Variants in KPNA4 observed in about 807,000 individuals in gnomAD.
The protein encoded by KPNA4 is karyopherin subunit alpha 4, also known as importin subunit alpha-3.
A neutral mutation model predicts 71.3 loss-of-function variants in KPNA4; 13 were observed. The ratio of observed to expected loss-of-function variants is 0.18; its 90% confidence interval spans 0.12 to 0.29. KPNA4 has a LOEUF of 0.29. Ranked by LOEUF, KPNA4 falls within the 10% of genes least tolerant of loss-of-function variation. The probability of loss-of-function intolerance (pLI) is 1.00; values close to 1 mark genes in which losing one functional copy is unlikely to be tolerated. For missense variants in KPNA4, 334 were observed against 603.2 expected (o/e 0.55, Z 4.67); for synonymous variants, 189 against 195.2 (o/e 0.97, Z 0.26).
chr3:160,536,049 A>G (rs1212783670), intron 2 of KPNA4, 152 bp from the exon 3 acceptor site: 35 of 618,068 alleles, frequency 5.7e-5, no homozygotes, highest in Non-Finnish European at 8.2e-5. Flanking sequence ...GTAAAAAATT[A>G]AACCAAACTG....
intron 1 of KPNA4, among the ~76,000 whole-genome samples, chr3:160,550,346 A>G (rs1360183070): frequency 1.3e-5 from 2 of 152,156 alleles, no homozygotes; most frequent in African/African-American, 4.8e-5. Context: ...CAGTCTCAAA[A>G]TCCTGGGCTC....
At chr3:160,563,138 G>T (rs1023508816) in intron 1 of KPNA4, among the ~76,000 whole-genome samples, 1 of 152,136 alleles carries the variant, frequency 6.6e-6, no homozygotes, top group African/African-American at 2.4e-5. Flanking sequence ...ACTGAAGAAG[G>T]GATAAATAAA....
Position 160,530,919 on chromosome 3 carries a change from A to G in KPNA4, c.405T>C (p.Ala135=). Residue 135 remains alanine (A), a synonymous_variant, in exon 7 of 17, where the codon GCT becomes GCC. Coordinates refer to ENST00000334256, the MANE Select transcript of KPNA4 (RefSeq NM_002268.5). The part of the protein sequence containing the change: ...RDDNPSLQFE[A]AWALTNIASG... ...ATGCAATGTTTGTCAAAGCCCATGC[A>G]GCTTCAAACTGTAAAGAAGGACTAC... is the stretch of plus-strand genomic sequence containing the variant. The G allele has an allele frequency of 6.2e-7, 1 of 1,611,698 alleles. No homozygotes were observed. The highest frequency in any genetic ancestry group is 1.7e-4 in the Middle Eastern group (1 of 6,040).
intron 13 of KPNA4, among the ~76,000 whole-genome samples, chr3:160,512,964 T>C (rs1560045194): frequency 6.6e-6 from 1 of 152,212 alleles, no homozygotes; most frequent in Non-Finnish European, 1.5e-5. Flanking sequence ...GGATCATCAA[T>C]GGCTACCTAA....
At chr3:160,532,869 A>AT (rs1395368741) in intron 5 of KPNA4, among the ~76,000 whole-genome samples, 1 of 152,232 alleles carries the variant, frequency 6.6e-6, no homozygotes, top group Non-Finnish European at 1.5e-5. Context: ...TTCAACTGAA[A>AT]TAAGACTGAA....
In KPNA4 at chr3:160,500,060, T is replaced by C. The variant is rs1267499261; in HGVS notation, c.*2044A>G. 1 of 151,214 alleles carries C rather than the reference T, an allele frequency of 6.6e-6. No individual in the cohort carries two copies. The highest frequency in any genetic ancestry group is 1.5e-5 in the Non-Finnish European group (1 of 67,670). The allele number at this position is 151,214 out of a possible 1,614,324, so 9.4% of individuals were successfully genotyped here. Reference sequence around the variant, plus strand: ...ATGACAGAACCAAAGAAATTTCTTATTATGCTGGTTCTAGGTAAAAAGACA... The same window carrying C: ...ATGACAGAACCAAAGAAATTTCTTACTATGCTGGTTCTAGGTAAAAAGACA... On this transcript the variant is annotated 3_prime_UTR_variant, in exon 17 of 17. Transcript: ENST00000334256.
intron 1 of KPNA4, among the ~76,000 whole-genome samples, chr3:160,546,720 A>G (rs759998770): frequency 1.3e-5 from 2 of 149,830 alleles, no homozygotes; most frequent in African/African-American, 2.5e-5. Flanking sequence ...CCCACCCCTC[A>G]TCTACTGAAT....
intron 1 of KPNA4, among the ~76,000 whole-genome samples, chr3:160,560,012 C>G (rs1280261468): frequency 2.0e-5 from 3 of 152,086 alleles, no homozygotes; most frequent in Admixed American, 6.5e-5. Flanking sequence ...ACTGTGTTTT[C>G]TAGTGTTTGA....
At chr3:160,517,514 T>A (rs1291874198) in intron 11 of KPNA4, among the ~76,000 whole-genome samples, 1 of 152,110 alleles carries the variant, frequency 6.6e-6, no homozygotes, top group Non-Finnish European at 1.5e-5. Context: ...TGTAACCTTA[T>A]GTTTAACTTT....
intron 11 of KPNA4, among the ~76,000 whole-genome samples, chr3:160,517,672 T>G (rs1449016780): frequency 6.6e-6 from 1 of 152,126 alleles, no homozygotes; most frequent in Non-Finnish European, 1.5e-5. Context: ...TGTGAAGTAG[T>G]ATCTCACTGT....
At chr3:160,543,888 G>A (rs558504244) in intron 1 of KPNA4, among the ~76,000 whole-genome samples, 2 of 150,596 alleles carry the variant, frequency 1.3e-5, no homozygotes, top group Non-Finnish European at 3.0e-5. Flanking sequence ...ATGGAGTTTC[G>A]CTCTTGCTGC....
intron 15 of KPNA4, among the ~76,000 whole-genome samples, chr3:160,505,336 A>AT (rs1351541478): frequency 1.3e-5 from 2 of 152,186 alleles, no homozygotes; most frequent in Non-Finnish European, 2.9e-5. Context: ...TACATAACCA[A>AT]TGTTTATAAC....
chr3:160,555,037 G>C (rs1722109773), intron 1 of KPNA4, among the ~76,000 whole-genome samples: 1 of 152,186 alleles, frequency 6.6e-6, no homozygotes. Context: ...TCCATCTGAA[G>C]TGGGGGACAC....
At chr3:160,550,391 G>A (rs1722016580) in intron 1 of KPNA4, among the ~76,000 whole-genome samples, 1 of 152,152 alleles carries the variant, frequency 6.6e-6, no homozygotes, top group African/African-American at 2.4e-5. Context: ...CCAAGTAGCT[G>A]GGACTCCATG....
At chr3:160,526,937 GATATAGA>G (rs1721471936) in intron 8 of KPNA4, among the ~76,000 whole-genome samples, 1 of 152,108 alleles carries the variant, frequency 6.6e-6, no homozygotes, top group Admixed American at 6.6e-5. Context: ...AGGGAGTCTG[GATATAGA>G]AACAATAGCA....
chr3:160,531,084 T>G (rs1014100849), intron 6 of KPNA4, 144 bp from the exon 7 acceptor site: 2 of 615,484 alleles, frequency 3.2e-6, no homozygotes, highest in Non-Finnish European at 5.7e-6. Flanking sequence ...TTTTTAACCC[T>G]CAACAACTGT....
chr3:160,510,847 GCGC>G (rs1721076573), intron 13 of KPNA4, among the ~76,000 whole-genome samples: 4 of 151,746 alleles, frequency 2.6e-5, no homozygotes, highest in Admixed American at 2.0e-4. Flanking sequence ...GAGTGCAGTG[GCGC>G]AATCTCGGCT....
At chr3:160,535,060 C>T (rs868442399) in intron 5 of KPNA4, among the ~76,000 whole-genome samples, 4 of 152,182 alleles carry the variant, frequency 2.6e-5, no homozygotes, top group Middle Eastern at 6.8e-3. Context: ...TCTATGTACA[C>T]TGACATAGTA....
intron 10 of KPNA4, among the ~76,000 whole-genome samples, chr3:160,522,454 G>C (rs1721368768): frequency 6.6e-6 from 1 of 152,110 alleles, no homozygotes; most frequent in Non-Finnish European, 1.5e-5. Flanking sequence ...TACAGAACTG[G>C]AGACAACTTT....
Sources: allele counts gnomAD v4.1 joint callset (sites outside exome capture counted in the v4.1 genomes callset), GRCh38; gene constraint gnomAD v4.1.1; transcripts MANE v1.5; gene names NCBI Gene and HGNC (gene_info 2026-07-23, HGNC 2026-07-21).